Variants in MAMLD1 observed in about 807,000 individuals in gnomAD.
MAMLD1 encodes the protein mastermind like domain containing 1, also known as mastermind-like domain-containing protein 1.
Under a neutral mutation model 45.0 loss-of-function variants are expected in MAMLD1, and 14 were observed. The observed-to-expected ratio is 0.31, with a 90% CI of 0.21 to 0.49. MAMLD1 has a LOEUF of 0.49. MAMLD1 is among the 20% of genes least tolerant of loss of function. MAMLD1 has a pLI of 0.99. For missense variants in MAMLD1, 543 were observed against 603.6 expected, an observed-to-expected ratio of 0.90 and a Z score of 1.05; for synonymous variants, 254 against 247.8, an observed-to-expected ratio of 1.02 and a Z score of -0.24.
At chrX:150,465,804 T>C (rs1372033253) in intron 3 of MAMLD1, among the ~76,000 whole-genome samples, 2 of 112,649 alleles carry the variant, frequency 1.8e-5, no homozygotes, top group African/African-American at 6.5e-5. Flanking sequence ...CTAGGACTAA[T>C]ACCCTGCTGT....
In MAMLD1 at chrX:150,481,972, G is replaced by GAAAGAAAGAAA. The variant is rs1483148450; in HGVS notation, c.2040+8171_2040+8181dup. ...AAGAAAGAAAGAAAGAAAAAAGAAAGAAAGAAAGAAAGAAAGAAAGAAAGA... is the reference window on the plus strand; with the variant it reads ...AAGAAAGAAAGAAAGAAAAAAGAAAGAAAGAAAGAAAAAAGAAAGAAAGAAAGAAAGAAAGA... On this transcript the variant is annotated intron_variant, in intron 5 of 7. Transcript: ENST00000370401. Among the ~76,000 whole-genome samples the GAAAGAAAGAAA allele has an allele frequency of 6.7e-3, 388 of 57,868 alleles. 2 individuals carry two copies. The highest frequency in any genetic ancestry group is 9.1e-3 in the Middle Eastern group (1 of 110). The allele number at this position is 57,868 out of a possible 115,157, so 50.3% of individuals were successfully genotyped here.
At chrX:150,374,036 T>A (rs1557401364) in intron 1 of MAMLD1, among the ~76,000 whole-genome samples, 1 of 111,937 alleles carries the variant, frequency 8.9e-6, no homozygotes, top group Non-Finnish European at 1.9e-5. Context: ...CCCCAGTTGG[T>A]CTCTTGAACC....
intron 5 of MAMLD1, among the ~76,000 whole-genome samples, chrX:150,475,970 C>T (rs1460295120): frequency 8.9e-6 from 1 of 112,032 alleles, no homozygotes; most frequent in Admixed American, 9.4e-5. Flanking sequence ...CCAGTGTAAT[C>T]TGAAGCAGTG....
intron 5 of MAMLD1, among the ~76,000 whole-genome samples, chrX:150,491,552 C>G (rs1669619818): frequency 1.8e-5 from 2 of 112,383 alleles, no homozygotes; most frequent in African/African-American, 6.5e-5. Flanking sequence ...TTTATATACA[C>G]TAATGACTAG....
At chrX:150,492,760 G>A (rs2037227043) in intron 5 of MAMLD1, among the ~76,000 whole-genome samples, 1 of 112,345 alleles carries the variant, frequency 8.9e-6, no homozygotes, top group Admixed American at 9.4e-5. Flanking sequence ...GATGCTTTCT[G>A]TAGGTCTTGC....
At chrX:150,440,893 ATATTTATTAAATTTAAAATAT>A (rs1262873925) in intron 1 of MAMLD1, among the ~76,000 whole-genome samples, 4 of 104,308 alleles carry the variant, frequency 3.8e-5, no homozygotes, top group Admixed American at 1.1e-4. Context: ...ATTTAATATA[ATATTTATTAAATTTAAAATAT>A]TATTTATTAA....
chrX:150,402,084 A>G (rs2033794630), intron 1 of MAMLD1, among the ~76,000 whole-genome samples: 1 of 111,637 alleles, frequency 9.0e-6, no homozygotes, highest in African/African-American at 3.3e-5. Flanking sequence ...ATCTAATTAA[A>G]CTAAAGAGCT....
intron 3 of MAMLD1, among the ~76,000 whole-genome samples, chrX:150,467,107 A>G (rs1557406011): frequency 9.1e-6 from 1 of 110,112 alleles, no homozygotes; most frequent in Non-Finnish European, 1.9e-5. Context: ...TTGCCAGCTC[A>G]GACTCCCTGC....
chrX:150,491,473 C>T (rs2266836), intron 5 of MAMLD1, among the ~76,000 whole-genome samples: 26,416 of 111,283 alleles, frequency 0.24, 2,325 homozygotes, highest in East Asian at 0.44. Flanking sequence ...GCCTCCTCTC[C>T]TGTGCCAGTG....
intron 1 of MAMLD1, among the ~76,000 whole-genome samples, chrX:150,431,124 G>A (rs782570588): frequency 1.4e-4 from 16 of 111,957 alleles, no homozygotes; most frequent in African/African-American, 4.9e-4. Context: ...CATCAGTGTT[G>A]TGTAATTTTC....
intron 5 of MAMLD1, among the ~76,000 whole-genome samples, chrX:150,494,618 C>T (rs2037308028): frequency 1.8e-5 from 2 of 109,308 alleles, no homozygotes; most frequent in Non-Finnish European, 3.8e-5. Context: ...CGGTGGCTTA[C>T]ACCTGTAATC....
chrX:150,389,560 T>C (rs1396225110), intron 1 of MAMLD1, among the ~76,000 whole-genome samples: 1 of 112,360 alleles, frequency 8.9e-6, no homozygotes, highest in African/African-American at 3.2e-5. Flanking sequence ...GGATGTGGCC[T>C]ATCTCAGTAT....
chrX:150,479,061 CA>C (rs1223593665), intron 5 of MAMLD1, among the ~76,000 whole-genome samples: 2 of 106,321 alleles, frequency 1.9e-5, no homozygotes, highest in Non-Finnish European at 4.0e-5. Flanking sequence ...TACCAAGAAT[CA>C]AAAAAAAGTT....
At chrX:150,430,177 G>A (rs1216118300) in intron 1 of MAMLD1, among the ~76,000 whole-genome samples, 6 of 108,134 alleles carry the variant, frequency 5.5e-5, no homozygotes, top group African/African-American at 1.0e-4. Context: ...CACCACACCT[G>A]GCTAATTTTT....
At chrX:150,386,258 C>T (rs1362031075) in intron 1 of MAMLD1, among the ~76,000 whole-genome samples, 2 of 111,843 alleles carry the variant, frequency 1.8e-5, no homozygotes, top group African/African-American at 6.5e-5. Context: ...TTTTTCTAAA[C>T]AATTATGGCA....
intron 1 of MAMLD1, among the ~76,000 whole-genome samples, chrX:150,365,501 C>T (rs1453576005): frequency 8.8e-6 from 1 of 113,266 alleles, no homozygotes; most frequent in Admixed American, 9.2e-5. Flanking sequence ...GATGCGCTCG[C>T]CGGGCTCGGG....
chrX:150,508,467 G>A (rs901077421), intron 6 of MAMLD1, among the ~76,000 whole-genome samples: 1 of 111,606 alleles, frequency 9.0e-6, no homozygotes, highest in Non-Finnish European at 1.9e-5. Context: ...CCAGTGGAGG[G>A]GGAGGCAGGG....
intron 1 of MAMLD1, among the ~76,000 whole-genome samples, chrX:150,403,989 A>G (rs1168058798): frequency 1.1e-5 from 1 of 92,586 alleles, no homozygotes; most frequent in African/African-American, 4.0e-5. Flanking sequence ...AGAAAGAAAG[A>G]AAGAAAGAAG....
At chrX:150,465,896 G>A (rs1557405867) in intron 3 of MAMLD1, among the ~76,000 whole-genome samples, 1 of 112,470 alleles carries the variant, frequency 8.9e-6, no homozygotes, top group Non-Finnish European at 1.9e-5. Context: ...CTTGGTTGGG[G>A]ACCTTCCGCC....
Sources: gnomAD v4.1 joint callset for allele counts (sites outside exome capture counted in the v4.1 genomes callset) on GRCh38, gnomAD v4.1.1 for gene constraint, MANE v1.5 for transcripts, NCBI Gene and HGNC (gene_info 2026-07-23, HGNC 2026-07-21) for gene names.